NT5C2: variants seen among roughly 807,000 people sequenced by gnomAD.
NT5C2 encodes cytosolic purine 5'-nucleotidase.
In NT5C2, 58 loss-of-function variants were observed where a neutral mutation model predicts 76.1. The observed-to-expected ratio is 0.76, with a 90% CI of 0.62 to 0.95. NT5C2 has a LOEUF of 0.95. NT5C2 is among the 40% of genes least tolerant of loss of function. The probability of loss-of-function intolerance (pLI) is 0.00; values close to 1 mark genes in which losing one functional copy is unlikely to be tolerated. For synonymous variants in NT5C2, 229 were observed against 237.4 expected, an observed-to-expected ratio of 0.96 and a Z score of 0.32; for missense variants, 478 against 690.3, an observed-to-expected ratio of 0.69 and a Z score of 3.45.
intron 4 of NT5C2, among the ~76,000 whole-genome samples, chr10:103,114,035 T>C (rs2073721341): frequency 6.6e-6 from 1 of 152,204 alleles, no homozygotes; most frequent in South Asian, 2.1e-4. Flanking sequence ...GTAGCTGACT[T>C]CCCTGAGGGA....
intron 3 of NT5C2, chr10:103,153,182 T>A: frequency 1.5e-6 from 1 of 670,914 alleles, no homozygotes; most frequent in Non-Finnish European, 2.1e-6. Context: ...AATCTCTGCC[T>A]CTACCTCCAC....
intron 3 of NT5C2, among the ~76,000 whole-genome samples, chr10:103,158,593 G>A (rs983990646): frequency 3.3e-5 from 5 of 152,066 alleles, no homozygotes; most frequent in East Asian, 1.9e-4. Flanking sequence ...CAAGGCAGGC[G>A]ATCACTTGAG....
intron 4 of NT5C2, among the ~76,000 whole-genome samples, chr10:103,113,168 T>A (rs1565016585): frequency 6.6e-6 from 1 of 152,080 alleles, no homozygotes; most frequent in Admixed American, 6.6e-5. Context: ...TAAAACACAT[T>A]CCCAAATAAC....
chr10:103,091,092 G>A lies in NT5C2; in HGVS notation c.1212-96C>T, dbSNP rs2066710579. On this transcript the variant is annotated intron_variant, in intron 16 of 18. Transcript: ENST00000404739. ...TTCTGTCACTCAGGCTGGAGTGCAGGGGTGTGATCGCGGCTCACTGCAACC... is the reference window on the plus strand; with the variant it reads ...TTCTGTCACTCAGGCTGGAGTGCAGAGGTGTGATCGCGGCTCACTGCAACC... 3.6e-6 allele frequency: 4 copies of A among 1,096,782 alleles called. No homozygotes were observed. The East Asian group carries it at 9.9e-5, about 27-fold the overall frequency. 67.9% of individuals were successfully genotyped at this position (1,096,782 alleles called of 1,614,324 possible).
intron 3 of NT5C2, among the ~76,000 whole-genome samples, chr10:103,160,856 T>A (rs2134086791): frequency 6.6e-6 from 1 of 152,118 alleles, no homozygotes; most frequent in East Asian, 1.9e-4. Flanking sequence ...CTACTAAAAA[T>A]ACAAAAATTA....
chr10:103,148,521 G>A (rs190287101), intron 3 of NT5C2, among the ~76,000 whole-genome samples: 28 of 151,802 alleles, frequency 1.8e-4, no homozygotes, highest in Admixed American at 1.5e-3. Context: ...GGAGAATGGC[G>A]TGAACCCAGG....
At chr10:103,120,029 G>T (rs1312463884) in intron 4 of NT5C2, among the ~76,000 whole-genome samples, 1 of 151,980 alleles carries the variant, frequency 6.6e-6, no homozygotes, top group African/African-American at 2.4e-5. Flanking sequence ...AGCCTGGGAG[G>T]CAGAGGTTGC....
In NT5C2 at chr10:103,183,250, A is replaced by ATG. The variant is rs1286493976; in HGVS notation, c.-168-1924_-168-1923dup. Among the ~76,000 whole-genome samples, 552 of 100,900 alleles carry ATG rather than the reference A, an allele frequency of 5.5e-3. 4 individuals are homozygous for ATG. Among genetic ancestry groups the ATG allele is most frequent in the Non-Finnish European group, 8.1e-3 (425 of 52,542 alleles). 66.2% of individuals were successfully genotyped at this position (100,900 alleles called of 152,430 possible). On this transcript the variant is annotated intron_variant, in intron 1 of 18. Transcript: ENST00000404739. ...AACACATGAAAGGAGATATATATATATGTGTGTGTGTGATATATATATATA... is the reference window on the plus strand; with the variant it reads ...AACACATGAAAGGAGATATATATATATGTGTGTGTGTGTGATATATATATATA...
intron 4 of NT5C2, among the ~76,000 whole-genome samples, chr10:103,126,855 A>G (rs76003516): frequency 0.014 from 2,087 of 152,184 alleles, 27 homozygotes; most frequent in Non-Finnish European, 0.021. Context: ...TGTATCACCC[A>G]GGAGGGAGTG....
chr10:103,090,733 T>C lies in NT5C2; in HGVS notation c.1327A>G (p.Ser443Gly). Reference sequence around the variant, plus strand: ...GCAAAAAGGGTCTGCCGGGAGCCACTGCGAAACAGGCTTCCCATCATCCCA... The same window carrying C: ...GCAAAAAGGGTCTGCCGGGAGCCACCGCGAAACAGGCTTCCCATCATCCCA... ...CYGMMGSLFR[S>G]GSRQTLFASQ... The change falls in exon 18 of 19, where the codon AGT (serine) becomes GGT (glycine). Residue 443 changes from serine (S) to glycine (G), a missense_variant. Ser to Gly is a moderately conservative substitution (Grantham distance 56, BLOSUM62 0). Coordinates refer to ENST00000404739, the MANE Select transcript of NT5C2 (RefSeq NM_001351169.2). The C allele has an allele frequency of 6.2e-7, 1 of 1,614,218 alleles. No homozygotes were observed. Among genetic ancestry groups the C allele is most frequent in the African/African-American group, 1.3e-5 (1 of 75,060 alleles).
intron 3 of NT5C2, among the ~76,000 whole-genome samples, chr10:103,152,634 T>G (rs2082602422): frequency 6.6e-6 from 1 of 152,298 alleles, no homozygotes; most frequent in East Asian, 1.9e-4. Flanking sequence ...AACATCTCTC[T>G]AAAATTAACC....
chr10:103,166,454 C>T (rs528290323), intron 3 of NT5C2, among the ~76,000 whole-genome samples: 7 of 152,314 alleles, frequency 4.6e-5, no homozygotes, highest in South Asian at 2.1e-4. Context: ...AGCTGTTGCA[C>T]GTATCAACAG....
intron 4 of NT5C2, among the ~76,000 whole-genome samples, chr10:103,112,549 A>T (rs1462280783): frequency 2.0e-5 from 3 of 152,228 alleles, no homozygotes; most frequent in Non-Finnish European, 4.4e-5. Flanking sequence ...GACACTTTAA[A>T]GATATGCATT....
rs901815865 is a variant in NT5C2, at chr10:103,182,557, C to T, written c.-168-1229G>A. 7.2e-5 allele frequency among the ~76,000 whole-genome samples: 11 copies of T among 151,916 alleles called. No homozygotes were observed. The East Asian group carries it at 2.1e-3, about 29-fold the overall frequency. On this transcript the variant is annotated intron_variant, in intron 1 of 18. Coordinates refer to ENST00000404739, the MANE Select transcript of NT5C2 (RefSeq NM_001351169.2). ...GGGTGAGGCAGGAGAATCACTTGAA[C>T]CCAGGAGGCAGAGCTTGCAGTGAGC...
chr10:103,106,142 A>G (rs1218014289), intron 5 of NT5C2, among the ~76,000 whole-genome samples: 1 of 152,224 alleles, frequency 6.6e-6, no homozygotes, highest in Non-Finnish European at 1.5e-5. Context: ...ATTTTTCTCC[A>G]TTAGATGCTG....
At chr10:103,129,198 G>A (rs2135979816) in intron 4 of NT5C2, among the ~76,000 whole-genome samples, 1 of 98,364 alleles carries the variant, frequency 1.0e-5, no homozygotes, top group African/African-American at 3.9e-5. Context: ...CGCCCCTACT[G>A]GGAAGTGAGG....
chr10:103,094,118 C>T (rs2067585733), intron 13 of NT5C2, 80 bp from the exon 14 acceptor site: 2 of 1,046,236 alleles, frequency 1.9e-6, no homozygotes, highest in Non-Finnish European at 2.9e-6. Context: ...TCCCATCCCA[C>T]CCCCCACCAC....
chr10:103,147,237 G>A (rs2081634406), intron 3 of NT5C2, among the ~76,000 whole-genome samples: 1 of 152,178 alleles, frequency 6.6e-6, no homozygotes, highest in Non-Finnish European at 1.5e-5. Flanking sequence ...TTAATAAATT[G>A]CAAATTATTG....
intron 4 of NT5C2, among the ~76,000 whole-genome samples, chr10:103,119,686 C>T (rs1354185189): frequency 1.3e-5 from 2 of 152,210 alleles, no homozygotes; most frequent in Admixed American, 6.5e-5. Flanking sequence ...AGTTTACACG[C>T]TATCAATAGT....
Sources: allele counts gnomAD v4.1 joint callset (sites outside exome capture counted in the v4.1 genomes callset), GRCh38; gene constraint gnomAD v4.1.1; transcripts MANE v1.5; gene names NCBI Gene and HGNC (gene_info 2026-07-23, HGNC 2026-07-21).